Variants in GRM7 observed in about 807,000 individuals in gnomAD.
The protein encoded by GRM7 is metabotropic glutamate receptor 7.
In GRM7, 35 loss-of-function variants were observed where a neutral mutation model predicts 84.5. The observed-to-expected ratio is 0.41, with a 90% CI of 0.32 to 0.55. The LOEUF (loss-of-function observed/expected upper bound fraction) is 0.55. Ranked by LOEUF, GRM7 falls within the 20% of genes least tolerant of loss-of-function variation. The pLI is 0.19. For missense variants in GRM7, 1,003 were observed against 1,194.6 expected, an observed-to-expected ratio of 0.84 and a Z score of 2.36; for synonymous variants, 487 against 455.1, an observed-to-expected ratio of 1.07 and a Z score of -0.89.
At chr3:7,650,157 G>C (rs370364395) in intron 8 of GRM7, among the ~76,000 whole-genome samples, 1 of 152,108 alleles carries the variant, frequency 6.6e-6, no homozygotes, top group Admixed American at 6.6e-5. Flanking sequence ...ATGATGTTTC[G>C]AGGTTAATGC....
rs558529612 is a variant in GRM7 at position 6,950,553 on chromosome 3, T to C, written c.519+88646T>C. Among the ~76,000 whole-genome samples the C allele has an allele frequency of 2.0e-3, 305 of 152,350 alleles. 3 individuals carry two copies. Among genetic ancestry groups the C allele is most frequent in the Non-Finnish European group, 2.6e-3 (179 of 68,030 alleles). On this transcript the variant is annotated intron_variant, in intron 1 of 9. Transcript: ENST00000357716. ...GCCCGTTCTCAGATCTCCAGCTGCA[T>C]GCTGGGAGAACCACTGCTCTCTTCA...
intron 4 of GRM7, among the ~76,000 whole-genome samples, chr3:7,404,905 A>C (rs1695609159): frequency 6.6e-6 from 1 of 152,176 alleles, no homozygotes; most frequent in South Asian, 2.1e-4. Context: ...TTGATAGACA[A>C]TCTCTAACAC....
intron 1 of GRM7, among the ~76,000 whole-genome samples, chr3:6,958,651 C>G (rs17750973): frequency 0.015 from 2,323 of 152,182 alleles, 25 homozygotes; most frequent in Non-Finnish European, 0.023. Context: ...TGACATGTAT[C>G]TGAGAGTTGA....
chr3:7,389,536 G>T (rs62235463), intron 4 of GRM7, among the ~76,000 whole-genome samples: 4 of 152,012 alleles, frequency 2.6e-5, no homozygotes, highest in South Asian at 2.1e-4. Flanking sequence ...TATAAGTCCA[G>T]GTGCTCCAAT....
intron 2 of GRM7, among the ~76,000 whole-genome samples, chr3:7,222,472 C>T (rs1262759628): frequency 2.6e-5 from 4 of 152,066 alleles, no homozygotes; most frequent in Non-Finnish European, 5.9e-5. Flanking sequence ...GAAATGGAGC[C>T]TCAGTCCCAC....
At chr3:7,515,992 A>T (rs965735512) in intron 7 of GRM7, among the ~76,000 whole-genome samples, 1 of 151,820 alleles carries the variant, frequency 6.6e-6, no homozygotes, top group Non-Finnish European at 1.5e-5. Flanking sequence ...AAAATAAATA[A>T]ATAAGAATAG....
At chr3:7,197,723 C>T (rs1055186241) in intron 2 of GRM7, among the ~76,000 whole-genome samples, 1 of 151,030 alleles carries the variant, frequency 6.6e-6, no homozygotes, top group African/African-American at 2.4e-5. Context: ...CTAGTTTAAC[C>T]AGGAACAACT....
At chr3:7,648,924 A>G (rs1698794048) in intron 8 of GRM7, among the ~76,000 whole-genome samples, 2 of 152,162 alleles carry the variant, frequency 1.3e-5, no homozygotes, top group African/African-American at 2.4e-5. Flanking sequence ...CCTACATTTC[A>G]GTCAGAGTGG....
chr3:7,003,435 T>C (rs959129394), intron 1 of GRM7, among the ~76,000 whole-genome samples: 1 of 152,160 alleles, frequency 6.6e-6, no homozygotes, highest in African/African-American at 2.4e-5. Flanking sequence ...TTTAATGCTC[T>C]ATAAGGAGCG....
intron 1 of GRM7, among the ~76,000 whole-genome samples, chr3:6,910,893 T>G (rs1018214480): frequency 2.4e-4 from 37 of 152,160 alleles, no homozygotes; most frequent in African/African-American, 8.9e-4. Flanking sequence ...CTGTCCCATC[T>G]AACAGAGTTC....
chr3:7,554,581 G>A (rs750492993), intron 7 of GRM7, among the ~76,000 whole-genome samples: 15 of 152,272 alleles, frequency 9.9e-5, no homozygotes, highest in South Asian at 6.2e-4. Flanking sequence ...AATATCAGCC[G>A]CTTAGCCTAA....
At chr3:6,884,644 G>A (rs995205522) in intron 1 of GRM7, among the ~76,000 whole-genome samples, 1 of 151,730 alleles carries the variant, frequency 6.6e-6, no homozygotes, top group Non-Finnish European at 1.5e-5. Flanking sequence ...CTGTCACCCA[G>A]GCTGGAGCGC....
intron 9 of GRM7, chr3:7,693,502 G>A (rs1700893504): frequency 1.5e-6 from 1 of 675,378 alleles, no homozygotes; most frequent in Non-Finnish European, 2.7e-6. Flanking sequence ...TATGAAAAAT[G>A]CTACATTTTT....
chr3:7,652,648 C>T (rs915803773), intron 8 of GRM7, among the ~76,000 whole-genome samples: 1 of 152,198 alleles, frequency 6.6e-6, no homozygotes, highest in African/African-American at 2.4e-5. Flanking sequence ...CACCCCATGG[C>T]TCTTTTGCAG....
intron 1 of GRM7, among the ~76,000 whole-genome samples, chr3:7,062,696 C>CA (rs1159760533): frequency 1.3e-5 from 2 of 151,714 alleles, no homozygotes; most frequent in Non-Finnish European, 2.9e-5. Flanking sequence ...TCTCTTTCCA[C>CA]ATCTGTACTC....
At chr3:7,445,026 T>G (rs1697446975) in intron 5 of GRM7, among the ~76,000 whole-genome samples, 1 of 152,172 alleles carries the variant, frequency 6.6e-6, no homozygotes, top group African/African-American at 2.4e-5. Flanking sequence ...TCTGCGTTGT[T>G]TTCTTCCTTC....
chr3:7,544,152 C>G (rs1195011092), intron 7 of GRM7, among the ~76,000 whole-genome samples: 1 of 152,050 alleles, frequency 6.6e-6, no homozygotes, highest in Non-Finnish European at 1.5e-5. Flanking sequence ...GTGGAAAGAG[C>G]CCTGGGTTTA....
chr3:7,278,295 T>C (rs2124990756), intron 2 of GRM7, among the ~76,000 whole-genome samples: 1 of 152,160 alleles, frequency 6.6e-6, no homozygotes, highest in Middle Eastern at 3.4e-3. Context: ...AATTTTATCA[T>C]TGTTAAATTG....
intron 4 of GRM7, among the ~76,000 whole-genome samples, chr3:7,381,550 T>A (rs945526303): frequency 6.6e-6 from 1 of 152,126 alleles, no homozygotes; most frequent in African/African-American, 2.4e-5. Context: ...CAAAATATGA[T>A]ACATCAGTTG....
Sources: gnomAD v4.1 joint callset for allele counts (sites outside exome capture counted in the v4.1 genomes callset) on GRCh38, gnomAD v4.1.1 for gene constraint, MANE v1.5 for transcripts, NCBI Gene and HGNC (gene_info 2026-07-23, HGNC 2026-07-21) for gene names.